Variants in ACVR1B observed in about 807,000 individuals in gnomAD.
ACVR1B encodes the protein activin A receptor type 1B, also known as activin receptor type-1B.
ACVR1B carries 15 observed loss-of-function variants against 55.6 expected under a neutral mutation model. The observed-to-expected ratio is 0.27, with a 90% CI of 0.18 to 0.42. The LOEUF (loss-of-function observed/expected upper bound fraction) is 0.42, where lower values mean the gene tolerates loss of function less well. Ranked by LOEUF, ACVR1B falls within the 10% of genes least tolerant of loss-of-function variation. ACVR1B has a pLI of 1.00. For synonymous variants in ACVR1B, 247 were observed against 254.6 expected (o/e 0.97, Z 0.28); for missense variants, 359 against 670.1 (o/e 0.54, Z 5.13).
intron 7 of ACVR1B, among the ~76,000 whole-genome samples, chr12:51,991,610 G>T (rs372064251): frequency 2.8e-4 from 42 of 152,176 alleles, no homozygotes; most frequent in African/African-American, 9.2e-4. Context: ...CCGTGTTGGC[G>T]GGGCTGGTTT....
At chr12:51,961,626 C>G (rs1025168436) in intron 1 of ACVR1B, among the ~76,000 whole-genome samples, 4 of 152,168 alleles carry the variant, frequency 2.6e-5, no homozygotes, top group Non-Finnish European at 4.4e-5. Flanking sequence ...ATTCCTATCC[C>G]TCTTCTCACT....
chr12:51,962,524 T>C (rs1290741316), intron 1 of ACVR1B, among the ~76,000 whole-genome samples: 2 of 152,238 alleles, frequency 1.3e-5, no homozygotes, highest in Non-Finnish European at 2.9e-5. Context: ...TTTTTTCTTT[T>C]AACCAAATAG....
chr12:51,962,280 C>T (rs1275027847), intron 1 of ACVR1B, among the ~76,000 whole-genome samples: 1 of 152,096 alleles, frequency 6.6e-6, no homozygotes, highest in Non-Finnish European at 1.5e-5. Flanking sequence ...CTGTGTTTCT[C>T]CCCACCCCCC....
intron 1 of ACVR1B, among the ~76,000 whole-genome samples, chr12:51,970,079 G>A (rs990607606): frequency 9.9e-5 from 15 of 152,214 alleles, no homozygotes; most frequent in African/African-American, 3.6e-4. Context: ...AAGACATGGT[G>A]TGGCTCTTTG....
At chr12:51,976,209 C>T (rs1028111504) in intron 2 of ACVR1B, 118 bp from the exon 3 acceptor site, 6 of 1,217,246 alleles carry the variant, frequency 4.9e-6, no homozygotes, top group Non-Finnish European at 6.9e-6. Context: ...ATCAAGGGAG[C>T]CTGAACACAT....
At chr12:51,983,443 T>A (rs1592258049) in intron 4 of ACVR1B, among the ~76,000 whole-genome samples, 1 of 152,200 alleles carries the variant, frequency 6.6e-6, no homozygotes, top group East Asian at 1.9e-4. Flanking sequence ...AGATCTTTCC[T>A]ACTCACAGAG....
chr12:51,981,476 C>T (rs1941977460), intron 4 of ACVR1B, among the ~76,000 whole-genome samples: 2 of 152,172 alleles, frequency 1.3e-5, no homozygotes, highest in Non-Finnish European at 2.9e-5. Context: ...TCTCTTTCTC[C>T]ACTCCCCCAA....
Position 51,975,391 on chromosome 12 carries a change from T to A in ACVR1B, c.218T>A (p.Val73Glu), listed in dbSNP as rs1941828478. Reference sequence around the variant, plus strand: ...CATGTGCGCACCTGCATCCCCAAAGTGGAGCTGGTCCCTGCCGGGAAGCCC... The same window carrying A: ...CATGTGCGCACCTGCATCCCCAAAGAGGAGCTGGTCCCTGCCGGGAAGCCC... The part of the protein sequence containing the change: ...EHHVRTCIPK[V>E]ELVPAGKPFY... Residue 73 changes from valine to glutamate, a missense_variant, in exon 2 of 9, where the codon GTG (valine) becomes GAG (glutamate). Physicochemically the swap from Val to Glu is moderately radical, Grantham distance 121. Transcript: ENST00000257963. 1 of 1,614,170 alleles carries A rather than the reference T, an allele frequency of 6.2e-7. No homozygotes were observed. Among genetic ancestry groups the A allele is most frequent in the Non-Finnish European group, 8.5e-7 (1 of 1,180,020 alleles).
At chr12:51,962,510 G>A (rs1332406970) in intron 1 of ACVR1B, among the ~76,000 whole-genome samples, 1 of 151,906 alleles carries the variant, frequency 6.6e-6, no homozygotes, top group African/African-American at 2.4e-5. Flanking sequence ...TGTAACTTGG[G>A]TCTTTTTTTC....
At chr12:51,979,844 C>T (rs1941943785) in intron 3 of ACVR1B, among the ~76,000 whole-genome samples, 1 of 151,830 alleles carries the variant, frequency 6.6e-6, no homozygotes, top group Non-Finnish European at 1.5e-5. Context: ...TGGGGTGAGG[C>T]GGGGTGTGTG....
At chr12:51,958,292 A>C (rs1479620658) in intron 1 of ACVR1B, among the ~76,000 whole-genome samples, 1 of 152,200 alleles carries the variant, frequency 6.6e-6, no homozygotes, top group Non-Finnish European at 1.5e-5. Flanking sequence ...AGTGGTCCCC[A>C]ATCTTTTTGA....
intron 1 of ACVR1B, among the ~76,000 whole-genome samples, chr12:51,952,071 C>A (rs904635447): frequency 6.6e-6 from 1 of 152,078 alleles, no homozygotes; most frequent in African/African-American, 2.4e-5. Flanking sequence ...CTGTTCCAGG[C>A]GGAACTGGAT....
chr12:51,985,075 C>T, intron 5 of ACVR1B, 117 bp from the exon 6 acceptor site: 1 of 1,058,906 alleles, frequency 9.4e-7, no homozygotes, highest in South Asian at 1.8e-5. Flanking sequence ...TTTCCAGGGT[C>T]ACTGGATTAG....
chr12:51,988,726 C>G (rs913519250), intron 7 of ACVR1B, among the ~76,000 whole-genome samples: 3 of 152,194 alleles, frequency 2.0e-5, no homozygotes, highest in Admixed American at 6.5e-5. Context: ...GGTCACATAA[C>G]TATTTTAGTA....
intron 1 of ACVR1B, among the ~76,000 whole-genome samples, chr12:51,956,384 A>T (rs1247492818): frequency 1.3e-5 from 2 of 152,236 alleles, no homozygotes; most frequent in Non-Finnish European, 2.9e-5. Context: ...AGTTTTTGGC[A>T]TGGGGAAATA....
intron 7 of ACVR1B, among the ~76,000 whole-genome samples, 194 bp from the exon 8 acceptor site, chr12:51,991,669 T>C (rs774645127): frequency 1.3e-5 from 2 of 152,258 alleles, no homozygotes; most frequent in Non-Finnish European, 2.9e-5. Context: ...CCCAAAGTGC[T>C]GGGATTACAG....
intron 1 of ACVR1B, among the ~76,000 whole-genome samples, chr12:51,971,717 G>A (rs2120560437): frequency 6.6e-6 from 1 of 152,318 alleles, no homozygotes; most frequent in Non-Finnish European, 1.5e-5. Flanking sequence ...TAGCCAAAAT[G>A]TCTGTCTTTA....
In ACVR1B at chr12:51,994,072, C is replaced by G. The variant is rs1283001817; in HGVS notation, c.1480C>G (p.Leu494Val). Reference protein sequence around the residue: ...RLTALRIKKTLSQLSVQEDVK... With the variant: ...RLTALRIKKTVSQLSVQEDVK... The stretch of plus-strand genomic sequence containing the variant: ...GACGGCCCTGCGCATCAAGAAGACC[C>G]TCTCCCAGCTCAGCGTGCAGGAAGA... Residue 494 changes from leucine (L) to valine (V), a missense_variant, in exon 9 of 9, where the codon CTC becomes GTC. Leu to Val is a conservative substitution (Grantham distance 32). This residue lies in a region of ACVR1B where 53 missense variants were observed against 78.5 expected (regional missense o/e 0.68). Transcript: ENST00000257963. This position sits in a 1 kb window ranked among gnomAD's most constrained non-coding sequence, Gnocchi z 4.2. The G allele has an allele frequency of 3.7e-6, 6 of 1,614,104 alleles. No individual in the cohort carries two copies. Among genetic ancestry groups the G allele is most frequent in the Non-Finnish European group, 5.1e-6 (6 of 1,180,050 alleles).
At chr12:51,969,527 A>G (rs1008353101) in intron 1 of ACVR1B, among the ~76,000 whole-genome samples, 5 of 152,242 alleles carry the variant, frequency 3.3e-5, no homozygotes, top group African/African-American at 1.2e-4. Context: ...CTAAGAAAAC[A>G]TTATACTACC....
Sources: gnomAD v4.1 joint callset for allele counts (sites outside exome capture counted in the v4.1 genomes callset) on GRCh38, gnomAD v4.1.1 for gene constraint, gnomAD v4.1.1 regional missense constraint, Gnocchi (gnomAD v3.1) non-coding constraint, MANE v1.5 for transcripts, NCBI Gene and HGNC (gene_info 2026-07-23, HGNC 2026-07-21) for gene names.